CACUL1: variants seen among roughly 807,000 people sequenced by gnomAD.
CACUL1 encodes CDK2-associated and cullin domain-containing protein 1.
CACUL1 carries 13 observed loss-of-function variants against 45.2 expected under a neutral mutation model. That is an observed-to-expected ratio of 0.29 (90% CI 0.19 to 0.46). The LOEUF is 0.46. CACUL1 is among the 20% of genes least tolerant of loss of function. The pLI is 1.00. For synonymous variants in CACUL1, 197 were observed against 174.2 expected (o/e 1.13, Z -1.03); for missense variants, 421 against 471.4 (o/e 0.89, Z 0.99).
chr10:118,749,322 A>ATGGCTTGGATTTCTGG (rs549965524), intron 1 of CACUL1, among the ~76,000 whole-genome samples: 1 of 152,198 alleles, frequency 6.6e-6, no homozygotes, highest in African/African-American at 2.4e-5. Flanking sequence ...GATCAGCAGA[A>ATGGCTTGGATTTCTGG]TGGCTTGGAT....
At chr10:118,736,425 A>T (rs1035112287) in intron 1 of CACUL1, among the ~76,000 whole-genome samples, 1 of 151,790 alleles carries the variant, frequency 6.6e-6, no homozygotes, top group Non-Finnish European at 1.5e-5. Context: ...TCACTCTGTC[A>T]CCCAGGCTGG....
chr10:118,747,021 G>T (rs73423990), intron 1 of CACUL1, among the ~76,000 whole-genome samples: 7,147 of 152,144 alleles, frequency 0.047, 551 homozygotes, highest in African/African-American at 0.16. Flanking sequence ...TCAGATCAGC[G>T]CAGGAATTAG....
chr10:118,742,647 A>G (rs954391513), intron 1 of CACUL1, among the ~76,000 whole-genome samples: 2 of 152,092 alleles, frequency 1.3e-5, no homozygotes. Flanking sequence ...AACCCTGCTT[A>G]CACACCCCCC....
At chr10:118,708,561 T>C (rs762838727) in intron 3 of CACUL1, among the ~76,000 whole-genome samples, 18 of 152,138 alleles carry the variant, frequency 1.2e-4, no homozygotes, top group Non-Finnish European at 2.4e-4. Flanking sequence ...ATAGACTGAA[T>C]AGAATATAGA....
rs750682518 is a variant in CACUL1 at position 118,686,627 on chromosome 10, C to T, written c.1040G>A (p.Arg347Gln). The change falls in exon 8 of 9, where the codon CGG becomes CAG. Residue 347 changes from arginine (R) to glutamine (Q), a missense_variant. Arg to Gln is a conservative substitution (Grantham distance 43). Coordinates refer to ENST00000369151, the MANE Select transcript of CACUL1 (RefSeq NM_153810.5). ...AGCCAACTCATCCCCAGCTCTCTTC[C>T]GGGACTGGTCACCCCTGGGGATAAG... ...QNGFTRGDQS[R>Q]KRAGDELAYN... 3.2e-5 allele frequency: 52 copies of T among 1,613,078 alleles called. No individual in the cohort carries two copies. Among genetic ancestry groups the T allele is most frequent in the East Asian group, 6.7e-5 (3 of 44,886 alleles).
At chr10:118,748,617 A>C (rs1010405396) in intron 1 of CACUL1, among the ~76,000 whole-genome samples, 2 of 151,972 alleles carry the variant, frequency 1.3e-5, no homozygotes, top group African/African-American at 4.8e-5. Context: ...TATGATGCTT[A>C]AAGGAAATGT....
intron 3 of CACUL1, among the ~76,000 whole-genome samples, chr10:118,718,053 G>T (rs1246098967): frequency 6.6e-6 from 1 of 152,174 alleles, no homozygotes; most frequent in African/African-American, 2.4e-5. Flanking sequence ...TTTGCTGAAA[G>T]GAAGGGGTAA....
At position 118,681,738 on chromosome 10, in the gene CACUL1, A is replaced by AAACAGT. The variant is rs1292610196; in HGVS notation, c.*4384_*4389dup. ...ACAGCCACTCCATCAACAGAAGCAG[A>AAACAGT]AACAGTACACATATTCATGCCACTC... On this transcript the variant is annotated 3_prime_UTR_variant, in exon 9 of 9. Coordinates refer to ENST00000369151, the MANE Select transcript of CACUL1 (RefSeq NM_153810.5). The AAACAGT allele has an allele frequency of 6.6e-6, 1 of 152,322 alleles. No homozygotes were observed. Among genetic ancestry groups the AAACAGT allele is most frequent in the Non-Finnish European group, 1.5e-5 (1 of 68,088 alleles). The allele number at this position is 152,322 out of a possible 1,614,324, so 9.4% of individuals were successfully genotyped here. A position where few individuals can be genotyped will look rare whatever the true frequency, so the allele number is the denominator to read the frequency against.
chr10:118,749,803 T>C (rs1341829001), intron 1 of CACUL1, among the ~76,000 whole-genome samples: 1 of 152,198 alleles, frequency 6.6e-6, no homozygotes, highest in Non-Finnish European at 1.5e-5. Context: ...GTCACATAAA[T>C]GGTGTTTTGG....
rs547561008 is a variant in CACUL1, at chr10:118,702,383, C to G, written c.694-975G>C. Among the ~76,000 whole-genome samples, 58 of 152,272 alleles carry G rather than the reference C, an allele frequency of 3.8e-4. 1 individual carries two copies. The South Asian group carries it at 7.3e-3, about 19-fold the overall frequency. On this transcript the variant is annotated intron_variant, in intron 4 of 8. Coordinates refer to ENST00000369151, the MANE Select transcript of CACUL1 (RefSeq NM_153810.5). ...AGGATAAAACCGATGTTACGGAGAG[C>G]AGAGAGACCAAAAATCAAGTCCTTA...
Position 118,741,403 on chromosome 10 carries a change from T to G in CACUL1, c.368-10993A>C, listed in dbSNP as rs967413095. ...ACAGGAAATGAGAAAATGCAGAATT[T>G]ACCAACTGCTTCTGGACCTCTCTAC... On this transcript the variant is annotated intron_variant, in intron 1 of 8. Transcript: ENST00000369151. Among the ~76,000 whole-genome samples the G allele has an allele frequency of 2.0e-5, 3 of 152,074 alleles. No homozygotes were observed. The East Asian group carries it at 5.8e-4, about 29-fold the overall frequency.
intron 1 of CACUL1, among the ~76,000 whole-genome samples, chr10:118,752,804 C>G (rs190546452): frequency 6.6e-6 from 1 of 152,220 alleles, no homozygotes. Context: ...CTTCTGATAC[C>G]AATTTTCACA....
chr10:118,700,243 T>C (rs1845365484), intron 5 of CACUL1, among the ~76,000 whole-genome samples: 1 of 152,074 alleles, frequency 6.6e-6, no homozygotes, highest in Non-Finnish European at 1.5e-5. Context: ...CCAACCCAAA[T>C]ATGTGCCACA....
rs1464593375 is a variant in CACUL1 at position 118,686,050 on chromosome 10, C to A, written c.*78G>T. 3.9e-6 allele frequency: 4 copies of A among 1,035,798 alleles called. No individual in the cohort carries two copies. In the African/African-American group the frequency reaches 6.3e-5, roughly 16 times the overall value. 64.2% of individuals were successfully genotyped at this position (1,035,798 alleles called of 1,614,324 possible). A position where few individuals can be genotyped will look rare whatever the true frequency, so the allele number is the denominator to read the frequency against. ...ACAGAGCTCCTGAGTGTGTGCAGCCCCCACTGTGCTCTGAATACAGTCTCT... is the reference window on the plus strand; with the variant it reads ...ACAGAGCTCCTGAGTGTGTGCAGCCACCACTGTGCTCTGAATACAGTCTCT... On this transcript the variant is annotated 3_prime_UTR_variant, in exon 9 of 9. Coordinates refer to ENST00000369151, the MANE Select transcript of CACUL1 (RefSeq NM_153810.5).
At chr10:118,692,315 T>C (rs1845279856) in intron 6 of CACUL1, 2 of 151,922 alleles carry the variant, frequency 1.3e-5, no homozygotes, top group Admixed American at 6.6e-5. Flanking sequence ...CTCAGGAGAC[T>C]ATAGAAAATA....
At chr10:118,753,989 G>T (rs1474771882) in intron 1 of CACUL1, among the ~76,000 whole-genome samples, 2 of 152,218 alleles carry the variant, frequency 1.3e-5, no homozygotes, top group African/African-American at 4.8e-5. Flanking sequence ...TCTGGCTGCA[G>T]AAGACTGAAG....
intron 7 of CACUL1, among the ~76,000 whole-genome samples, chr10:118,688,470 T>C (rs956305555): frequency 6.6e-6 from 1 of 152,074 alleles, no homozygotes; most frequent in Non-Finnish European, 1.5e-5. Context: ...AAACTGAACA[T>C]GTAAATATAA....
chr10:118,723,751 G>A (rs1015826574), intron 3 of CACUL1, among the ~76,000 whole-genome samples: 4 of 152,042 alleles, frequency 2.6e-5, no homozygotes, highest in East Asian at 3.9e-4. Flanking sequence ...AAGCTTAATC[G>A]AGGCTCTAGC....
chr10:118,743,238 A>C (rs1479666206), intron 1 of CACUL1, among the ~76,000 whole-genome samples: 1 of 152,194 alleles, frequency 6.6e-6, no homozygotes, highest in Non-Finnish European at 1.5e-5. Flanking sequence ...TCAGTGACTC[A>C]TGGTACAATA....
Sources: allele counts gnomAD v4.1 joint callset (sites outside exome capture counted in the v4.1 genomes callset), GRCh38; gene constraint gnomAD v4.1.1; transcripts MANE v1.5; gene names NCBI Gene and HGNC (gene_info 2026-07-23, HGNC 2026-07-21).